SLC25A48: variants seen among roughly 807,000 people sequenced by gnomAD.
The protein encoded by SLC25A48 is solute carrier family 25 member 48.
A neutral mutation model predicts 32.2 loss-of-function variants in SLC25A48; 29 were observed. The ratio of observed to expected loss-of-function variants is 0.90; its 90% CI spans 0.67 to 1.23. The LOEUF is 1.23. SLC25A48 is among the 50% of genes most tolerant of loss of function. The pLI, the probability that SLC25A48 is intolerant of heterozygous loss-of-function variation, is 0.00. For synonymous variants in SLC25A48, 164 were observed against 172.3 expected, an observed-to-expected ratio of 0.95 and a Z score of 0.38; for missense variants, 399 against 422.7, an observed-to-expected ratio of 0.94 and a Z score of 0.49.
intron 2 of SLC25A48, among the ~76,000 whole-genome samples, chr5:135,844,140 C>A (rs1282579934): frequency 1.3e-5 from 2 of 152,196 alleles, no homozygotes; most frequent in African/African-American, 2.4e-5. Flanking sequence ...AGTTACCGTG[C>A]CCAGGCCTGG....
intron 3 of SLC25A48, 105 bp from the exon 4 acceptor site, chr5:135,852,458 A>G: frequency 2.9e-6 from 4 of 1,375,440 alleles, no homozygotes; most frequent in Non-Finnish European, 4.0e-6. Context: ...CCCTCTCTTC[A>G]TGGACACATG....
chr5:135,803,042 T>C, intron 3 of SLC25A48: 1 of 151,656 alleles, frequency 6.6e-6, no homozygotes, highest in East Asian at 1.9e-4. Flanking sequence ...GAGCTATTAC[T>C]CTTAATATCA....
intron 3 of SLC25A48, among the ~76,000 whole-genome samples, chr5:135,700,202 T>C (rs1754357443): frequency 1.3e-5 from 2 of 150,958 alleles, no homozygotes; most frequent in East Asian, 2.0e-4. Context: ...CAAAACCCCA[T>C]CTCTACTAAA....
intron 4 of SLC25A48, among the ~76,000 whole-genome samples, chr5:135,818,893 C>A (rs376088712): frequency 2.0e-4 from 31 of 151,394 alleles, no homozygotes; most frequent in Middle Eastern, 3.4e-3. Flanking sequence ...TAAAAAAAAA[C>A]CAAATGAAAA....
intron 3 of SLC25A48, among the ~76,000 whole-genome samples, 196 bp downstream of exon 3, chr5:135,850,692 C>T (rs138562464): frequency 0.012 from 1,762 of 152,334 alleles, 28 homozygotes; most frequent in African/African-American, 0.04. Context: ...GCCACTACCA[C>T]AGCATAACTG....
intron 3 of SLC25A48, among the ~76,000 whole-genome samples, chr5:135,673,803 T>C (rs542595592): frequency 2.6e-4 from 39 of 152,202 alleles, no homozygotes; most frequent in African/African-American, 8.7e-4. Flanking sequence ...GATTTTTCTT[T>C]AAGGTTTTCT....
At chr5:135,824,685 C>T (rs2304071) in intron 4 of SLC25A48, 59,000 of 152,152 alleles carry the variant, frequency 0.39, 12,809 homozygotes, top group Non-Finnish European at 0.49. Context: ...CCCTTACTAC[C>T]GCTCTGAGGA....
At chr5:135,739,454 G>C (rs1364955277) in intron 3 of SLC25A48, among the ~76,000 whole-genome samples, 1 of 152,156 alleles carries the variant, frequency 6.6e-6, no homozygotes, top group East Asian at 1.9e-4. Context: ...TGGCCAGCCT[G>C]TGATTCGTCA....
intron 4 of SLC25A48, among the ~76,000 whole-genome samples, chr5:135,855,070 G>A (rs1159564882): frequency 1.3e-5 from 2 of 152,142 alleles, no homozygotes; most frequent in Non-Finnish European, 2.9e-5. Flanking sequence ...TCTCTTATAT[G>A]GACACAGCTT....
chr5:135,850,559 G>T, intron 3 of SLC25A48, 63 bp downstream of exon 3: 1 of 1,510,968 alleles, frequency 6.6e-7, no homozygotes, highest in Non-Finnish European at 9.2e-7. Context: ...GGGGACCAGG[G>T]CCACAGCCCC....
intron 3 of SLC25A48, among the ~76,000 whole-genome samples, chr5:135,739,461 G>T (rs186980817): frequency 6.6e-6 from 1 of 152,232 alleles, no homozygotes; most frequent in African/African-American, 2.4e-5. Context: ...CCTGTGATTC[G>T]TCAGGGGTGT....
chr5:135,652,730 TAG>T (rs937790467), intron 3 of SLC25A48, among the ~76,000 whole-genome samples: 2 of 152,200 alleles, frequency 1.3e-5, no homozygotes, highest in Non-Finnish European at 2.9e-5. Context: ...GGGATATAAA[TAG>T]AGTTACATCT....
At chr5:135,831,593 G>C (rs902833956), upstream of SLC25A48, among the ~76,000 whole-genome samples, 6 of 152,214 alleles carry the variant, frequency 3.9e-5, no homozygotes. Flanking sequence ...TCTTAAAGAA[G>C]AAGGGGGCAG....
chr5:135,619,717 G>A (rs969418734), intron 1 of SLC25A48, among the ~76,000 whole-genome samples: 1 of 151,916 alleles, frequency 6.6e-6, no homozygotes, highest in African/African-American at 2.4e-5. Context: ...TTGATTCTGG[G>A]TGTGTTCAAT....
intron 3 of SLC25A48, among the ~76,000 whole-genome samples, chr5:135,721,738 G>A (rs1210039861): frequency 2.0e-5 from 3 of 152,214 alleles, no homozygotes; most frequent in Non-Finnish European, 4.4e-5. Flanking sequence ...AGGGGTGCAG[G>A]TGAAGGGGAG....
chr5:135,768,300 C>T (rs1756303054), intron 3 of SLC25A48, among the ~76,000 whole-genome samples: 1 of 149,850 alleles, frequency 6.7e-6, no homozygotes, highest in Admixed American at 6.6e-5. Context: ...TTGTAATATG[C>T]AACGAAAGAA....
chr5:135,742,108 C>G (rs1755513652), intron 3 of SLC25A48, among the ~76,000 whole-genome samples: 1 of 152,122 alleles, frequency 6.6e-6, no homozygotes, highest in Non-Finnish European at 1.5e-5. Context: ...ATTTGAGAGT[C>G]TCATTCTGTC....
intron 3 of SLC25A48, among the ~76,000 whole-genome samples, chr5:135,789,419 G>GGCCA (rs1756962162): frequency 6.6e-6 from 1 of 151,478 alleles, no homozygotes; most frequent in Non-Finnish European, 1.5e-5. Flanking sequence ...TGGCCGGGGT[G>GGCCA]TATACCCCAC....
At chr5:135,736,936 G>A (rs1177732811) in intron 3 of SLC25A48, among the ~76,000 whole-genome samples, 1 of 152,146 alleles carries the variant, frequency 6.6e-6, no homozygotes, top group African/African-American at 2.4e-5. Flanking sequence ...AAAAGAGGCC[G>A]CTTACCCGAT....
Sources: gnomAD v4.1 joint callset for allele counts (sites outside exome capture counted in the v4.1 genomes callset) on GRCh38, gnomAD v4.1.1 for gene constraint, MANE v1.5 for transcripts, NCBI Gene and HGNC (gene_info 2026-07-23, HGNC 2026-07-21) for gene names.